FYB2: variants seen among roughly 807,000 people sequenced by gnomAD.
FYB2 encodes FYN binding protein 2, also known as FYN-binding protein 2.
Under a neutral mutation model 94.1 loss-of-function variants are expected in FYB2, and 103 were observed. That is an observed-to-expected ratio of 1.09 (90% CI 0.93 to 1.29). The LOEUF is 1.29. Among genes scored for constraint, FYB2 ranks in the 50% most tolerant of loss-of-function variants. The pLI, the probability that FYB2 is intolerant of heterozygous loss-of-function variation, is 0.00. For missense variants in FYB2, 896 were observed against 841.5 expected (o/e 1.06, Z -0.80); for synonymous variants, 293 against 287.9 (o/e 1.02, Z -0.18).
chr1:56,787,917 A>C (rs1022834401), intron 3 of FYB2, among the ~76,000 whole-genome samples: 1 of 152,232 alleles, frequency 6.6e-6, no homozygotes, highest in Admixed American at 6.5e-5. Flanking sequence ...GGAGCTGTCC[A>C]TATCAGTAAA....
rs1569830723 is a variant in FYB2, at chr1:56,720,431, G to C, written c.1975-102C>G. ...TATAGTAACTTCAAAATTAACTCAA[G>C]ATACTATTGACTAGTTAAATAACAC... On this transcript the variant is annotated intron_variant, in intron 17 of 19. Coordinates refer to ENST00000343433, the MANE Select transcript of FYB2 (RefSeq NM_001004303.5). 3.7e-6 allele frequency: 4 copies of C among 1,071,106 alleles called. No homozygotes were observed. The East Asian group carries it at 8.0e-5, about 22-fold the overall frequency. The allele number at this position is 1,071,106 out of a possible 1,614,324, so 66.4% of individuals were successfully genotyped here.
chr1:56,763,186 T>C (rs997174439), intron 5 of FYB2, among the ~76,000 whole-genome samples: 1 of 152,222 alleles, frequency 6.6e-6, no homozygotes, highest in Non-Finnish European at 1.5e-5. Flanking sequence ...AGGAGTTTTA[T>C]GACTATGCTA....
intron 15 of FYB2, among the ~76,000 whole-genome samples, chr1:56,728,637 C>A (rs1644636293): frequency 6.6e-6 from 1 of 152,064 alleles, no homozygotes; most frequent in Non-Finnish European, 1.5e-5. Context: ...AAAAACATGG[C>A]AAAGTGTGTT....
upstream of FYB2, among the ~76,000 whole-genome samples, chr1:56,823,289 G>C (rs1352813861): frequency 1.3e-5 from 2 of 152,084 alleles, no homozygotes; most frequent in African/African-American, 4.8e-5. Context: ...GGGGTTGAGG[G>C]AGTGGACCAT....
At chr1:56,826,356 CA>C in the FYB2 span, among the ~76,000 whole-genome samples, 1 of 152,346 alleles carries the variant, frequency 6.6e-6, no homozygotes, top group South Asian at 2.1e-4. Flanking sequence ...CCTACAGGGG[CA>C]AGTCCAAATC....
intron 6 of FYB2, 36 bp from the exon 7 acceptor site, chr1:56,755,963 T>G (rs1645320251): frequency 6.3e-7 from 1 of 1,579,844 alleles, no homozygotes; most frequent in Admixed American, 1.7e-5. Flanking sequence ...TTTTCATAAA[T>G]CAACCTGAAT....
chr1:56,818,690 T>C (rs540018264), intron 1 of FYB2, among the ~76,000 whole-genome samples: 2 of 152,316 alleles, frequency 1.3e-5, no homozygotes, highest in Non-Finnish European at 2.9e-5. Context: ...TCTCTATTTA[T>C]ACAAGCACCT....
chr1:56,762,323 T>C (rs1645516128), intron 5 of FYB2, among the ~76,000 whole-genome samples: 1 of 152,186 alleles, frequency 6.6e-6, no homozygotes, highest in African/African-American at 2.4e-5. Context: ...AATTGACATT[T>C]TTACTGTTAA....
At chr1:56,756,748 A>G (rs1645342236) in intron 6 of FYB2, among the ~76,000 whole-genome samples, 2 of 152,276 alleles carry the variant, frequency 1.3e-5, no homozygotes, top group Admixed American at 1.3e-4. Flanking sequence ...ATATGGGAGC[A>G]GTGATATCAG....
intron 15 of FYB2, among the ~76,000 whole-genome samples, chr1:56,734,847 A>C (rs1644796964): frequency 6.6e-6 from 1 of 152,030 alleles, no homozygotes; most frequent in African/African-American, 2.4e-5. Context: ...ACCAATAAAC[A>C]TATTTTAAAA....
chr1:56,768,883 A>T (rs1645688582), intron 4 of FYB2, among the ~76,000 whole-genome samples: 1 of 152,190 alleles, frequency 6.6e-6, no homozygotes, highest in Non-Finnish European at 1.5e-5. Context: ...TTAGGTAAAA[A>T]CAAGAGACTG....
intron 4 of FYB2, among the ~76,000 whole-genome samples, chr1:56,778,033 T>C (rs1032143701): frequency 6.6e-5 from 10 of 152,164 alleles, no homozygotes; most frequent in African/African-American, 2.2e-4. Context: ...CAAGGTCCTG[T>C]ACTACCATTC....
At chr1:56,760,107 T>C (rs1439963672) in intron 5 of FYB2, among the ~76,000 whole-genome samples, 1 of 149,222 alleles carries the variant, frequency 6.7e-6, no homozygotes, top group Non-Finnish European at 1.5e-5. Context: ...AAATTTAACA[T>C]ACCTAGCAGA....
chr1:56,795,155 T>C (rs1646366321), intron 1 of FYB2, among the ~76,000 whole-genome samples: 1 of 151,864 alleles, frequency 6.6e-6, no homozygotes, highest in Admixed American at 6.6e-5. Context: ...AATAAGTCCA[T>C]ATTCCACCCT....
chr1:56,803,122 A>T (rs1305558474), intron 1 of FYB2, among the ~76,000 whole-genome samples: 1 of 152,126 alleles, frequency 6.6e-6, no homozygotes, highest in African/African-American at 2.4e-5. Context: ...TGGAATTCAA[A>T]TTTTTTCCAG....
intron 14 of FYB2, 126 bp from the exon 15 acceptor site, chr1:56,737,273 G>C: frequency 1.7e-6 from 1 of 589,920 alleles, no homozygotes; most frequent in South Asian, 2.4e-5. Context: ...AGCAAAATCT[G>C]ATCATAAAAT....
intron 4 of FYB2, among the ~76,000 whole-genome samples, chr1:56,785,194 G>A (rs1033985101): frequency 6.6e-6 from 1 of 152,182 alleles, no homozygotes; most frequent in African/African-American, 2.4e-5. Context: ...ACAGATTGCC[G>A]TTTCTTTGAT....
intron 2 of FYB2, among the ~76,000 whole-genome samples, chr1:56,790,671 C>T (rs983009372): frequency 1.3e-5 from 2 of 152,024 alleles, no homozygotes; most frequent in African/African-American, 2.4e-5. Context: ...ATATTCCTAC[C>T]TTCAGGAATT....
rs200146441 is a variant in FYB2 at position 56,792,645 on chromosome 1, T to C, written c.168A>G (p.Ser56=). ...ATGGTGTGCGCTGCTTGTGGTTGGA[T>C]GAGAGGGGTTTCCCATTGGCCAAAA... ...TQILANGKPL[S]SNHKQRTPYC... Residue 56 remains serine, a synonymous_variant, in exon 2 of 20, where the codon TCA becomes TCG. Transcript: ENST00000343433. The C allele has an allele frequency of 6.4e-5, 103 of 1,614,094 alleles. No homozygotes were observed. The East Asian group carries it at 2.1e-3, about 32-fold the overall frequency.
Sources: allele counts gnomAD v4.1 joint callset (sites outside exome capture counted in the v4.1 genomes callset), GRCh38; gene constraint gnomAD v4.1.1; transcripts MANE v1.5; gene names NCBI Gene and HGNC (gene_info 2026-07-23, HGNC 2026-07-21).